Variants in PCDH19 observed in about 807,000 individuals in gnomAD.
The protein encoded by PCDH19 is protocadherin 19, also known as protocadherin-19.
A neutral mutation model predicts 46.2 loss-of-function variants in PCDH19; 6 were observed. That is an observed-to-expected ratio of 0.13 (90% CI 0.07 to 0.26). PCDH19 has a LOEUF of 0.26. PCDH19 is among the 10% of genes least tolerant of loss of function. PCDH19 has a pLI of 1.00. For synonymous variants in PCDH19, 481 were observed against 415.7 expected, an observed-to-expected ratio of 1.16 and a Z score of -1.91; for missense variants, 740 against 972.3, an observed-to-expected ratio of 0.76 and a Z score of 3.18.
chrX:100,311,896 C>T (rs975788544), intron 5 of PCDH19, among the ~76,000 whole-genome samples: 1 of 111,081 alleles, frequency 9.0e-6, no homozygotes, highest in Non-Finnish European at 1.9e-5. Flanking sequence ...GATGACACTG[C>T]TTCTGGGTAC....
At position 100,402,624 on chromosome X, in the gene PCDH19, T is replaced by C. The variant is rs781315243; in HGVS notation, c.2516A>G (p.Asn839Ser). 9 of 1,209,671 alleles carry C rather than the reference T, an allele frequency of 7.4e-6. No homozygotes were observed. Among genetic ancestry groups the C allele is most frequent in the Non-Finnish European group, 1.0e-5 (9 of 894,957 alleles). ...ESTFLNVENQ[N>S]TRNTSANHIY... ...GTGGTTAGCACTGGTGTTGCGGGTA[T>C]TCTGGTTCTCCACATTCAGGAAAGT... The change falls in exon 3 of 6, where the codon AAT becomes AGT. Residue 839 changes from asparagine (N) to serine (S), a missense_variant. Physicochemically the swap from Asn to Ser is conservative, Grantham distance 46 (BLOSUM62 1). This residue lies in a region of PCDH19 where 416 missense variants were observed against 476.8 expected (regional missense o/e 0.87). Coordinates refer to ENST00000373034, the MANE Select transcript of PCDH19 (RefSeq NM_001184880.2).
In PCDH19 at chrX:100,407,881, G is replaced by A. The variant is rs199628956; in HGVS notation, c.717C>T (p.Ser239=). ...TDSNDNNPVF[S]ESTYAVSVPE... ...GCACGCTCACCGCGTAGGTGGACTC[G>A]CTAAACACCGGGTTGTTGTCATTGG... is the stretch of plus-strand genomic sequence containing the variant. Residue 239 remains serine (S), a synonymous_variant, in exon 1 of 6, where the codon AGC becomes AGT. Transcript: ENST00000373034. 8.8e-5 allele frequency: 107 copies of A among 1,211,119 alleles called. No homozygotes were observed. In the African/African-American group the frequency reaches 1.4e-3, roughly 16 times the overall value.
At position 100,402,795 on chromosome X, in the gene PCDH19, C is replaced by T. The variant is rs1928231404; in HGVS notation, c.2345G>A (p.Ser782Asn). ...QKKSSKKKKI[S>N]KNDIRLVPRD... is the part of the protein sequence containing the mutation. ...GGGTACCAGGCGGATGTCATTCTTA[C>T]TGATTTTTTTCTTCTTGCTTGATTT... Residue 782 changes from serine to asparagine, a missense_variant, in exon 3 of 6, where the codon AGT (serine) becomes AAT (asparagine). This residue lies in a region of PCDH19 where 416 missense variants were observed against 476.8 expected (regional missense o/e 0.87). Coordinates refer to ENST00000373034, the MANE Select transcript of PCDH19 (RefSeq NM_001184880.2). The T allele has an allele frequency of 8.3e-7, 1 of 1,211,495 alleles. No homozygotes were observed. Among genetic ancestry groups the T allele is most frequent in the Non-Finnish European group, 1.1e-6 (1 of 895,224 alleles).
chrX:100,407,293 A>G lies in PCDH19; in HGVS notation c.1305T>C (p.Ser435=), dbSNP rs1165002533. The G allele has an allele frequency of 8.3e-7, 1 of 1,211,240 alleles. No individual in the cohort carries two copies. Among genetic ancestry groups the G allele is most frequent in the Non-Finnish European group, 1.1e-6 (1 of 895,297 alleles). ...ARDGGVPMLQ[S]AKSFTVLITD... ...TGATGAGCACGGTAAAGGACTTGGC[A>G]CTCTGCAGCATGGGCACGCCGCCGT... Residue 435 remains serine, a synonymous_variant, in exon 1 of 6, where the codon AGT becomes AGC. Transcript: ENST00000373034.
chrX:100,390,773 T>C (rs1249973023), intron 3 of PCDH19, among the ~76,000 whole-genome samples: 4 of 111,872 alleles, frequency 3.6e-5, no homozygotes, highest in Non-Finnish European at 5.6e-5. Context: ...CAGCCTCCTA[T>C]GGCCTGAAAT....
chrX:100,341,820 T>C, intron 5 of PCDH19, 83 bp downstream of exon 5: 7 of 885,278 alleles, frequency 7.9e-6, no homozygotes, highest in Non-Finnish European at 1.2e-5. Flanking sequence ...ATACACTCAT[T>C]AAGCAAAGTA....
chrX:100,394,024 G>A (rs1321150050), intron 3 of PCDH19, among the ~76,000 whole-genome samples: 7 of 111,512 alleles, frequency 6.3e-5, no homozygotes, highest in Admixed American at 4.7e-4. Flanking sequence ...AAAGTTAGCC[G>A]GGCATAGTGG....
rs1350725154 is a variant in PCDH19 at position 100,408,578 on chromosome X, G to A, written c.20C>T (p.Pro7Leu). Reference sequence around the variant, plus strand: ...CAGTATGGCCAGCAGCAGCAGCACCGGCAGCAGGAGCGACTCCATGGCTGC... The same window carrying A: ...CAGTATGGCCAGCAGCAGCAGCACCAGCAGCAGGAGCGACTCCATGGCTGC... The part of the protein sequence containing the change: MESLLL[P>L]VLLLLAILWT... Residue 7 changes from proline to leucine, a missense_variant, in exon 1 of 6, where the codon CCG becomes CTG. Physicochemically the swap from Pro to Leu is moderately conservative, Grantham distance 98. Around this residue, in one of 5 missense-constraint regions of PCDH19, gnomAD observed 81 missense variants for 96.5 expected, o/e 0.84. Coordinates refer to ENST00000373034, the MANE Select transcript of PCDH19 (RefSeq NM_001184880.2). The A allele has an allele frequency of 1.7e-6, 2 of 1,175,514 alleles. No homozygotes were observed. Among genetic ancestry groups the A allele is most frequent in the Non-Finnish European group, 2.3e-6 (2 of 883,035 alleles).
Position 100,402,780 on chromosome X carries a change from C to A in PCDH19, c.2360G>T (p.Arg787Leu), listed in dbSNP as rs371839798. Residue 787 changes from arginine to leucine, a missense_variant, in exon 3 of 6, where the codon CGC becomes CTC. Physicochemically the swap from Arg to Leu is moderately radical, Grantham distance 102 (BLOSUM62 -2). Around this residue, in one of 5 missense-constraint regions of PCDH19, gnomAD observed 416 missense variants for 476.8 expected, o/e 0.87. Coordinates refer to ENST00000373034, the MANE Select transcript of PCDH19 (RefSeq NM_001184880.2). ...CTCCTCCACATCCCGGGGTACCAGG[C>A]GGATGTCATTCTTACTGATTTTTTT... ...KKKKISKNDI[R>L]LVPRDVEETD... 2 of 1,208,917 alleles carry A rather than the reference C, an allele frequency of 1.7e-6. No individual in the cohort carries two copies. The highest frequency in any genetic ancestry group is 2.2e-6 in the Non-Finnish European group (2 of 894,301).
At chrX:100,322,865 A>ATATTTTTTTTTTTT in intron 5 of PCDH19, among the ~76,000 whole-genome samples, 7 of 54,418 alleles carry the variant, frequency 1.3e-4, no homozygotes, top group African/African-American at 4.2e-4. Flanking sequence ...ATATATATAT[A>ATATTTTTTTTTTTT]TTTTTGCAGC....
At chrX:100,296,991 G>A in intron 5 of PCDH19, 116 bp from the exon 6 acceptor site, 1 of 669,447 alleles carries the variant, frequency 1.5e-6, no homozygotes, top group South Asian at 2.5e-5. Flanking sequence ...GGCACTTTTA[G>A]GTAGTCCTTT....
intron 3 of PCDH19, among the ~76,000 whole-genome samples, chrX:100,373,157 T>TCC (rs1927274881): frequency 8.9e-6 from 1 of 112,151 alleles, no homozygotes. Flanking sequence ...TACAGGCGCG[T>TCC]GCCACCACGC....
intron 5 of PCDH19, among the ~76,000 whole-genome samples, chrX:100,299,097 T>TA (rs1268423663): frequency 1.5e-3 from 163 of 110,839 alleles, no homozygotes; most frequent in African/African-American, 5.2e-3. Context: ...CAAATCAGAG[T>TA]AAAAATCCCT....
chrX:100,299,707 G>A (rs1188207313), intron 5 of PCDH19, among the ~76,000 whole-genome samples: 1 of 111,892 alleles, frequency 8.9e-6, no homozygotes, highest in Admixed American at 9.5e-5. Flanking sequence ...AAAGAGAAAC[G>A]GAGACTAACT....
intron 3 of PCDH19, among the ~76,000 whole-genome samples, chrX:100,353,170 A>G (rs1045387038): frequency 8.9e-6 from 1 of 112,077 alleles, no homozygotes. Context: ...CATTCAGGCA[A>G]TAAAATAGTG....
At chrX:100,326,869 C>G (rs982304831) in intron 5 of PCDH19, among the ~76,000 whole-genome samples, 1 of 111,128 alleles carries the variant, frequency 9.0e-6, no homozygotes, top group African/African-American at 3.3e-5. Flanking sequence ...GTTGTCACCC[C>G]ATTTCTATGC....
chrX:100,334,659 C>G (rs982499936), intron 5 of PCDH19, among the ~76,000 whole-genome samples: 2 of 110,435 alleles, frequency 1.8e-5, no homozygotes, highest in Non-Finnish European at 3.8e-5. Context: ...AATCATGCAA[C>G]AAATCCATGA....
In PCDH19 at chrX:100,296,498, G is replaced by C; in HGVS notation, c.3226C>G (p.Pro1076Ala). Residue 1076 changes from proline (P) to alanine (A), a missense_variant, in exon 6 of 6, where the codon CCC becomes GCC. This residue lies in a region of PCDH19 where 416 missense variants were observed against 476.8 expected (regional missense o/e 0.87). Transcript: ENST00000373034. ...GTGTAAGACACGGAAGGCTTGGTGGGCAGAGAGCTCTTGAGGTGGAGGGGG... is the reference window on the plus strand; with the variant it reads ...GTGTAAGACACGGAAGGCTTGGTGGCCAGAGAGCTCTTGAGGTGGAGGGGG... ...TSPLHLKSSLPTKPSVSYTIA... is the reference protein window; with the variant it reads ...TSPLHLKSSLATKPSVSYTIA... The C allele has an allele frequency of 8.3e-7, 1 of 1,211,346 alleles. No homozygotes were observed.
At chrX:100,357,698 C>T (rs1926756707) in intron 3 of PCDH19, among the ~76,000 whole-genome samples, 1 of 111,897 alleles carries the variant, frequency 8.9e-6, no homozygotes, top group Non-Finnish European at 1.9e-5. Context: ...GATCATCCCA[C>T]GTTCCTTAGC....
Sources: allele counts gnomAD v4.1 joint callset (sites outside exome capture counted in the v4.1 genomes callset), GRCh38; gene constraint gnomAD v4.1.1; regional missense constraint gnomAD v4.1.1; transcripts MANE v1.5; gene names NCBI Gene and HGNC (gene_info 2026-07-23, HGNC 2026-07-21).